The following MGAT4C variants were observed in gnomAD, a reference collection of about 807,000 sequenced individuals.
MGAT4C encodes the protein alpha-1,3-mannosyl-glycoprotein 4-beta-N-acetylglucosaminyltransferase C.
A neutral mutation model predicts 40.1 loss-of-function variants in MGAT4C; 19 were observed. The ratio of observed to expected loss-of-function variants is 0.47; its 90% CI spans 0.33 to 0.70. The LOEUF (loss-of-function observed/expected upper bound fraction) is 0.70, where lower values mean the gene tolerates loss of function less well. Ranked by LOEUF, MGAT4C falls within the 30% of genes least tolerant of loss-of-function variation. The pLI, the probability that MGAT4C is intolerant of heterozygous loss-of-function variation, is 0.02. For missense variants in MGAT4C, 491 were observed against 563.2 expected (o/e 0.87, Z 1.30); for synonymous variants, 181 against 187.1 (o/e 0.97, Z 0.27).
At chr12:86,145,021 A>G (rs2135749351) in intron 1 of MGAT4C, among the ~76,000 whole-genome samples, 1 of 152,306 alleles carries the variant, frequency 6.6e-6, no homozygotes, top group South Asian at 2.1e-4. Context: ...CTGCTGCACT[A>G]AAGTAAATCA....
At chr12:86,521,474 C>A (rs1958794013) in intron 2 of MGAT4C, among the ~76,000 whole-genome samples, 1 of 151,870 alleles carries the variant, frequency 6.6e-6, no homozygotes, top group African/African-American at 2.4e-5. Flanking sequence ...TTACTGTAGC[C>A]CTGTAGTATA....
intron 1 of MGAT4C, among the ~76,000 whole-genome samples, chr12:86,834,609 C>G (rs557232012): frequency 6.4e-4 from 75 of 116,712 alleles, no homozygotes; most frequent in Middle Eastern, 4.9e-3. Context: ...CTTCCCCCAA[C>G]CACCACACAC....
chr12:86,588,588 A>C (rs974498657), intron 2 of MGAT4C, among the ~76,000 whole-genome samples: 1 of 152,016 alleles, frequency 6.6e-6, no homozygotes, highest in East Asian at 1.9e-4. Context: ...ACCCCAAATC[A>C]ACAGAATATA....
rs1456807638 is a variant in MGAT4C, at chr12:85,978,598, G to A, written c.*691C>T. The stretch of plus-strand genomic sequence containing the variant: ...AACTCTTCTTTTTTTTTTTCAAAAG[G>A]GAAACTTGAAAAAGACTGCTTCCCC... On this transcript the variant is annotated 3_prime_UTR_variant, in exon 5 of 5. Transcript: ENST00000611864. 6 of 150,404 alleles carry A rather than the reference G, an allele frequency of 4.0e-5. No individual in the cohort carries two copies. The highest frequency in any genetic ancestry group is 1.2e-4 in the African/African-American group (5 of 40,980). The allele number at this position is 150,404 out of a possible 1,614,324, so 9.3% of individuals were successfully genotyped here.
At chr12:86,484,755 C>T (rs1360531365) in intron 2 of MGAT4C, among the ~76,000 whole-genome samples, 1 of 152,102 alleles carries the variant, frequency 6.6e-6, no homozygotes, top group Non-Finnish European at 1.5e-5. Context: ...TGAGAGAGCC[C>T]AAATGCCCAG....
intron 2 of MGAT4C, among the ~76,000 whole-genome samples, chr12:86,450,543 T>G (rs1293909025): frequency 6.6e-6 from 1 of 152,124 alleles, no homozygotes; most frequent in Non-Finnish European, 1.5e-5. Flanking sequence ...CCCTTTATAC[T>G]TAGTGCTTCT....
At chr12:86,046,431 A>G (rs1892402112) in intron 2 of MGAT4C, among the ~76,000 whole-genome samples, 2 of 152,166 alleles carry the variant, frequency 1.3e-5, no homozygotes, top group South Asian at 4.1e-4. Context: ...AGAGGTACAG[A>G]GTTTACATGA....
intron 1 of MGAT4C, among the ~76,000 whole-genome samples, chr12:86,068,893 G>A (rs11832376): frequency 0.049 from 7,475 of 152,116 alleles, 274 homozygotes; most frequent in African/African-American, 0.11. Flanking sequence ...AAAGGGTGTG[G>A]CCTTGCACTC....
At chr12:86,368,039 T>C (rs1466740860) in intron 3 of MGAT4C, among the ~76,000 whole-genome samples, 1 of 152,198 alleles carries the variant, frequency 6.6e-6, no homozygotes, top group Non-Finnish European at 1.5e-5. Flanking sequence ...AATTATAACA[T>C]TAAAACTACG....
intron 2 of MGAT4C, among the ~76,000 whole-genome samples, chr12:86,572,657 T>G (rs1187944921): frequency 1.3e-5 from 2 of 152,080 alleles, no homozygotes; most frequent in African/African-American, 4.8e-5. Context: ...ACAGTCCTCT[T>G]AATCTACAAT....
intron 2 of MGAT4C, among the ~76,000 whole-genome samples, chr12:86,568,710 G>A (rs1370006397): frequency 2.0e-5 from 3 of 151,796 alleles, no homozygotes; most frequent in South Asian, 4.1e-4. Context: ...AAACAGCATG[G>A]TATTGGTATA....
chr12:86,715,291 C>T (rs1342690215), intron 2 of MGAT4C, among the ~76,000 whole-genome samples: 2 of 151,874 alleles, frequency 1.3e-5, no homozygotes, highest in Admixed American at 6.6e-5. Context: ...AAAACAGAAA[C>T]AAAAAAGCAA....
At chr12:86,228,673 T>A (rs1951195716) in intron 1 of MGAT4C, among the ~76,000 whole-genome samples, 1 of 151,814 alleles carries the variant, frequency 6.6e-6, no homozygotes, top group East Asian at 1.9e-4. Flanking sequence ...AAAAAAAAAA[T>A]TTCTTATGCT....
chr12:86,714,356 A>G (rs1379605670), intron 2 of MGAT4C, among the ~76,000 whole-genome samples: 2 of 152,140 alleles, frequency 1.3e-5, no homozygotes, highest in Admixed American at 1.3e-4. Flanking sequence ...CAGTAAATAC[A>G]TACAAAGCAG....
intron 2 of MGAT4C, among the ~76,000 whole-genome samples, chr12:86,020,204 C>T (rs1348178762): frequency 6.6e-6 from 1 of 152,096 alleles, no homozygotes; most frequent in African/African-American, 2.4e-5. Context: ...GCCTGACTGC[C>T]CTGACCAGAA....
chr12:86,236,250 A>T (rs1381087324), intron 1 of MGAT4C, among the ~76,000 whole-genome samples: 1 of 152,096 alleles, frequency 6.6e-6, no homozygotes, highest in Admixed American at 6.6e-5. Flanking sequence ...GTACAAAACT[A>T]TCAGAGGCCT....
chr12:86,234,404 A>T (rs1951446986), intron 1 of MGAT4C, among the ~76,000 whole-genome samples: 1 of 152,170 alleles, frequency 6.6e-6, no homozygotes, highest in Non-Finnish European at 1.5e-5. Flanking sequence ...TTGAAGAATG[A>T]CTGTATGCCT....
At chr12:86,077,458 A>G (rs534573684) in intron 1 of MGAT4C, among the ~76,000 whole-genome samples, 1 of 152,342 alleles carries the variant, frequency 6.6e-6, no homozygotes, top group Admixed American at 6.5e-5. Context: ...TAGTACAAGC[A>G]TATAAATGCA....
intron 2 of MGAT4C, among the ~76,000 whole-genome samples, chr12:86,458,357 A>G (rs1458273241): frequency 6.6e-6 from 1 of 152,136 alleles, no homozygotes; most frequent in Non-Finnish European, 1.5e-5. Context: ...CAAAAGTGCA[A>G]TCAGCCTTTT....
Sources: gnomAD v4.1 joint callset for allele counts (sites outside exome capture counted in the v4.1 genomes callset) on GRCh38, gnomAD v4.1.1 for gene constraint, MANE v1.5 for transcripts, NCBI Gene and HGNC (gene_info 2026-07-23, HGNC 2026-07-21) for gene names.